The following NAALADL2 variants were observed in gnomAD, a reference collection of about 807,000 sequenced individuals.
NAALADL2 encodes the protein N-acetylated alpha-linked acidic dipeptidase like 2.
In NAALADL2, 76 loss-of-function variants were observed where a neutral mutation model predicts 87.2. The observed-to-expected ratio is 0.87, with a 90% CI of 0.72 to 1.05. NAALADL2 has a LOEUF of 1.05. NAALADL2 is among the 50% of genes least tolerant of loss of function. NAALADL2 has a pLI of 0.00. For missense variants in NAALADL2, 1,089 were observed against 945.8 expected, an observed-to-expected ratio of 1.15 and a Z score of -1.99; for synonymous variants, 354 against 331.0, an observed-to-expected ratio of 1.07 and a Z score of -0.75.
chr3:175,692,824 G>T (rs746883061), intron 11 of NAALADL2, among the ~76,000 whole-genome samples: 8 of 152,090 alleles, frequency 5.3e-5, no homozygotes, highest in Non-Finnish European at 1.0e-4. Flanking sequence ...ATCAGTCTTA[G>T]CTAACAACTC....
intron 2 of NAALADL2, among the ~76,000 whole-genome samples, chr3:174,600,443 A>C (rs1242905467): frequency 6.6e-6 from 1 of 152,138 alleles, no homozygotes; most frequent in Non-Finnish European, 1.5e-5. Flanking sequence ...GTTTTCAGAT[A>C]TATATATTGA....
At position 174,836,708 on chromosome 3, in the gene NAALADL2, C is replaced by CAAAA. The variant is rs36091749; in HGVS notation, c.-9+98984_-9+98987dup. Among the ~76,000 whole-genome samples the CAAAA allele has an allele frequency of 9.3e-3, 610 of 65,276 alleles. 23 individuals are homozygous for CAAAA. The highest frequency in any genetic ancestry group is 0.012 in the Middle Eastern group (1 of 84). The allele number at this position is 65,276 out of a possible 152,430, so 42.8% of individuals were successfully genotyped here. A position where few individuals can be genotyped will look rare whatever the true frequency, so the allele number is the denominator to read the frequency against. ...TGGGTGACAGAGCGAGACTCCGTCT[C>CAAAA]AAAAAAAAAAAAAAAAAAAAAAAAA... On this transcript the variant is annotated intron_variant, in intron 3 of 3. Transcript: ENST00000434257.
intron 1 of NAALADL2, among the ~76,000 whole-genome samples, chr3:174,501,644 A>G (rs964909598): frequency 6.6e-6 from 1 of 152,162 alleles, no homozygotes; most frequent in African/African-American, 2.4e-5. Context: ...TCTTTAAAGG[A>G]ATTTTTTTCC....
At chr3:175,632,565 T>A (rs191544843) in intron 11 of NAALADL2, among the ~76,000 whole-genome samples, 111 of 152,230 alleles carry the variant, frequency 7.3e-4, no homozygotes, top group Non-Finnish European at 6.6e-4. Context: ...GAGACAGATT[T>A]GTGAGACAGT....
At chr3:175,399,840 A>G (rs1484663135) in intron 5 of NAALADL2, among the ~76,000 whole-genome samples, 1 of 152,002 alleles carries the variant, frequency 6.6e-6, no homozygotes, top group Non-Finnish European at 1.5e-5. Flanking sequence ...TCCAGTTCAA[A>G]CACCTCTGAC....
chr3:174,666,634 G>T (rs1725981360), intron 2 of NAALADL2, among the ~76,000 whole-genome samples: 1 of 152,098 alleles, frequency 6.6e-6, no homozygotes, highest in Admixed American at 6.6e-5. Flanking sequence ...ATACAAATTT[G>T]ATTTATGTGT....
intron 2 of NAALADL2, among the ~76,000 whole-genome samples, chr3:174,581,700 A>G (rs1336941840): frequency 1.3e-5 from 2 of 152,194 alleles, no homozygotes; most frequent in Non-Finnish European, 2.9e-5. Flanking sequence ...TGCCAGGCAT[A>G]TGATAGGATT....
intron 5 of NAALADL2, among the ~76,000 whole-genome samples, chr3:175,387,249 G>A (rs9845123): frequency 0.23 from 35,705 of 151,970 alleles, 4,671 homozygotes; most frequent in East Asian, 0.47. Context: ...TCCACTAGGG[G>A]CCTTGGAATG....
intron 9 of NAALADL2, among the ~76,000 whole-genome samples, chr3:175,514,934 G>A (rs77280006): frequency 0.018 from 2,740 of 152,266 alleles, 68 homozygotes; most frequent in African/African-American, 0.061. Flanking sequence ...CTTCACTGGG[G>A]ATGAATATCT....
At chr3:175,067,437 C>T (rs1714730769) in intron 1 of NAALADL2, among the ~76,000 whole-genome samples, 1 of 151,908 alleles carries the variant, frequency 6.6e-6, no homozygotes, top group Non-Finnish European at 1.5e-5. Context: ...GGGCAAAGGA[C>T]ACAGACACTT....
chr3:175,627,963 A>AG (rs1279817992), intron 11 of NAALADL2, among the ~76,000 whole-genome samples: 1 of 65,652 alleles, frequency 1.5e-5, no homozygotes, highest in Non-Finnish European at 3.9e-5. Flanking sequence ...TTTTAGTTGC[A>AG]GAAAAAAAAG....
intron 2 of NAALADL2, among the ~76,000 whole-genome samples, chr3:175,132,077 A>G (rs112201793): frequency 0.46 from 35,877 of 78,788 alleles, 9,210 homozygotes; most frequent in African/African-American, 0.59. Context: ...GCGGCTGGCC[A>G]GGCGGGGGGC....
intron 4 of NAALADL2, among the ~76,000 whole-genome samples, chr3:175,293,609 CAGTT>C (rs1316451009): frequency 6.6e-6 from 1 of 152,044 alleles, no homozygotes; most frequent in Non-Finnish European, 1.5e-5. Flanking sequence ...GGAGGTGAGT[CAGTT>C]AGAGGGTTAA....
intron 11 of NAALADL2, among the ~76,000 whole-genome samples, chr3:175,700,916 A>C (rs557370038): frequency 6.6e-6 from 1 of 152,254 alleles, no homozygotes; most frequent in South Asian, 2.1e-4. Flanking sequence ...TTAGAGAGGA[A>C]CCATCAAGAA....
intron 2 of NAALADL2, among the ~76,000 whole-genome samples, chr3:174,723,631 C>A (rs1276956535): frequency 6.6e-6 from 1 of 151,750 alleles, no homozygotes; most frequent in African/African-American, 2.4e-5. Context: ...TGGCGGGCGC[C>A]TGTAGTCCCA....
chr3:175,371,372 G>A (rs986970913), intron 5 of NAALADL2, among the ~76,000 whole-genome samples: 1 of 151,910 alleles, frequency 6.6e-6, no homozygotes, highest in African/African-American at 2.4e-5. Flanking sequence ...GGTTCTCGCC[G>A]TTCTCCTGCC....
At chr3:175,544,026 G>T (rs1202405963) in intron 9 of NAALADL2, among the ~76,000 whole-genome samples, 1 of 152,234 alleles carries the variant, frequency 6.6e-6, no homozygotes, top group Non-Finnish European at 1.5e-5. Flanking sequence ...TATCTGTGTG[G>T]AGGGGTAAGG....
chr3:175,109,301 A>G (rs2108483793), intron 2 of NAALADL2, among the ~76,000 whole-genome samples: 1 of 151,976 alleles, frequency 6.6e-6, no homozygotes, highest in Non-Finnish European at 1.5e-5. Context: ...TCATCGCAAG[A>G]TGCATTAAAG....
At chr3:174,660,020 T>C (rs931623844) in intron 2 of NAALADL2, among the ~76,000 whole-genome samples, 4 of 152,150 alleles carry the variant, frequency 2.6e-5, no homozygotes, top group Non-Finnish European at 4.4e-5. Flanking sequence ...AGAATCTGAA[T>C]ATACAGAATA....
Sources: gnomAD v4.1 joint callset for allele counts (sites outside exome capture counted in the v4.1 genomes callset) on GRCh38, gnomAD v4.1.1 for gene constraint, MANE v1.5 for transcripts, NCBI Gene and HGNC (gene_info 2026-07-23, HGNC 2026-07-21) for gene names.